The following CDK15 variants were observed in gnomAD, a reference collection of about 807,000 sequenced individuals.
The protein encoded by CDK15 is cyclin-dependent kinase 15.
CDK15 carries 62 observed loss-of-function variants against 60.3 expected under a neutral mutation model. That is an observed-to-expected ratio of 1.03 (90% CI 0.84 to 1.27). The LOEUF is 1.27. CDK15 is among the 50% of genes most tolerant of loss of function. The pLI is 0.00. For synonymous variants in CDK15, 194 were observed against 195.7 expected (o/e 0.99, Z 0.07); for missense variants, 541 against 527.8 (o/e 1.03, Z -0.25).
intron 11 of CDK15, among the ~76,000 whole-genome samples, chr2:201,879,450 G>A (rs959690231): frequency 6.6e-5 from 10 of 152,194 alleles, no homozygotes; most frequent in Admixed American, 6.5e-4. Context: ...TGCAATATTA[G>A]CTCACTGCAG....
intron 8 of CDK15, among the ~76,000 whole-genome samples, chr2:201,841,618 C>A (rs2105762217): frequency 1.3e-5 from 2 of 152,274 alleles, no homozygotes; most frequent in South Asian, 4.1e-4. Flanking sequence ...CCCATAGGGT[C>A]CAAAGTGAAT....
intron 6 of CDK15, 23 bp from the exon 7 acceptor site, chr2:201,833,825 T>C (rs1422624405): frequency 2.5e-6 from 4 of 1,611,630 alleles, no homozygotes; most frequent in Non-Finnish European, 3.4e-6. Flanking sequence ...AATCTCCTTA[T>C]GGATAGTGTT....
intron 4 of CDK15, among the ~76,000 whole-genome samples, chr2:201,814,881 AC>A (rs1281166120): frequency 2.6e-5 from 4 of 152,112 alleles, no homozygotes; most frequent in South Asian, 4.1e-4. Context: ...CATTTGGAGT[AC>A]TATTTTCATT....
chr2:201,821,072 C>G (rs1337452052), intron 4 of CDK15, among the ~76,000 whole-genome samples: 7 of 152,156 alleles, frequency 4.6e-5, no homozygotes, highest in Admixed American at 2.0e-4. Context: ...GTTTGCTGTG[C>G]ATTCATTTTA....
At chr2:201,850,837 C>T (rs911961895) in intron 9 of CDK15, among the ~76,000 whole-genome samples, 3 of 152,170 alleles carry the variant, frequency 2.0e-5, no homozygotes, top group Non-Finnish European at 4.4e-5. Flanking sequence ...GGCAATATCT[C>T]ACCATGGTCC....
At chr2:201,886,360 T>C (rs185153715) in intron 12 of CDK15, among the ~76,000 whole-genome samples, 70 of 151,888 alleles carry the variant, frequency 4.6e-4, no homozygotes, top group Non-Finnish European at 5.9e-4. Flanking sequence ...ACTTTTGCTC[T>C]TGTCGCCCAG....
At chr2:201,812,186 A>G (rs1181688489) in intron 3 of CDK15, among the ~76,000 whole-genome samples, 1 of 149,166 alleles carries the variant, frequency 6.7e-6, no homozygotes, top group East Asian at 1.9e-4. Context: ...AAAAAAAAAA[A>G]AAAAACAAAA....
At chr2:201,843,213 G>C (rs763063098) in intron 8 of CDK15, among the ~76,000 whole-genome samples, 4 of 152,036 alleles carry the variant, frequency 2.6e-5, no homozygotes, top group Non-Finnish European at 4.4e-5. Context: ...ATTAGATGGA[G>C]TCTGGCTCTG....
intron 3 of CDK15, 58 bp from the exon 4 acceptor site, chr2:201,812,425 T>A: frequency 9.1e-7 from 1 of 1,104,082 alleles, no homozygotes; most frequent in Non-Finnish European, 1.4e-6. Flanking sequence ...ATCTTTGGTA[T>A]AAATTGCTGC....
At chr2:201,838,843 T>G (rs1697242612) in intron 8 of CDK15, among the ~76,000 whole-genome samples, 2 of 152,214 alleles carry the variant, frequency 1.3e-5, no homozygotes, top group East Asian at 1.9e-4. Flanking sequence ...TACCAAAATT[T>G]TTTTTCCTTT....
intron 8 of CDK15, among the ~76,000 whole-genome samples, chr2:201,836,753 A>G (rs1697109161): frequency 6.6e-6 from 1 of 151,422 alleles, no homozygotes; most frequent in Non-Finnish European, 1.5e-5. Flanking sequence ...ACACATCTGC[A>G]TGAACATACT....
intron 12 of CDK15, chr2:201,888,715 T>A: frequency 8.6e-7 from 1 of 1,162,298 alleles, no homozygotes; most frequent in African/African-American, 1.6e-5. Context: ...CCAGATAGTG[T>A]CTCTCTCTCT....
chr2:201,888,596 T>C, intron 12 of CDK15: 2 of 1,447,848 alleles, frequency 1.4e-6, no homozygotes, highest in Non-Finnish European at 1.8e-6. Flanking sequence ...TTCCCTTTCT[T>C]TCTTTCTTCC....
chr2:201,866,070 G>A (rs1574920033), intron 10 of CDK15, among the ~76,000 whole-genome samples: 1 of 151,172 alleles, frequency 6.6e-6, no homozygotes, highest in Non-Finnish European at 1.5e-5. Context: ...TGAAGGGCAC[G>A]TAGGAGAAAA....
intron 10 of CDK15, among the ~76,000 whole-genome samples, chr2:201,856,065 T>TGG (rs1698133897): frequency 6.6e-6 from 1 of 152,128 alleles, no homozygotes; most frequent in Non-Finnish European, 1.5e-5. Flanking sequence ...TGACCTCAGG[T>TGG]GATCCACTTG....
chr2:201,833,985 C>G lies in CDK15; in HGVS notation c.730+14C>G. The G allele has an allele frequency of 6.2e-7, 1 of 1,612,424 alleles. No homozygotes were observed. The highest frequency in any genetic ancestry group is 8.5e-7 in the Non-Finnish European group (1 of 1,179,182). Reference sequence around the variant, plus strand: ...TGGCTGATTTTGGTAAGTCGCCCCTCGGGTCTCATTCTGGGCTGTGAACAA... The same window carrying G: ...TGGCTGATTTTGGTAAGTCGCCCCTGGGGTCTCATTCTGGGCTGTGAACAA... On this transcript the variant is annotated intron_variant, in intron 7 of 13. Coordinates refer to ENST00000652192, the MANE Select transcript of CDK15 (RefSeq NM_001366386.2).
chr2:201,872,151 G>A, intron 10 of CDK15, 127 bp from the exon 11 acceptor site: 6 of 958,188 alleles, frequency 6.3e-6, no homozygotes, highest in Non-Finnish European at 6.7e-6. Flanking sequence ...AATCACATTA[G>A]CCTACCTGAT....
intron 11 of CDK15, chr2:201,876,742 A>T (rs1183386192): frequency 6.4e-6 from 1 of 156,708 alleles, no homozygotes; most frequent in Non-Finnish European, 1.4e-5. Context: ...ACTAATTAGT[A>T]CCTACCCTTC....
At chr2:201,872,208 T>C (rs570560555) in intron 10 of CDK15, 70 bp from the exon 11 acceptor site, 4 of 1,464,186 alleles carry the variant, frequency 2.7e-6, no homozygotes. Context: ...ATTTAGAATT[T>C]TAACAGTATA....
Sources: gnomAD v4.1 joint callset for allele counts (sites outside exome capture counted in the v4.1 genomes callset) on GRCh38, gnomAD v4.1.1 for gene constraint, MANE v1.5 for transcripts, NCBI Gene and HGNC (gene_info 2026-07-23, HGNC 2026-07-21) for gene names.